The following VPS8 variants were observed in gnomAD, a reference collection of about 807,000 sequenced individuals.
VPS8 encodes VPS8 subunit of CORVET complex, also known as vacuolar protein sorting-associated protein 8 homolog.
In VPS8, 129 loss-of-function variants were observed where a neutral mutation model predicts 216.4. The observed-to-expected ratio is 0.60, with a 90% CI of 0.52 to 0.69. VPS8 has a LOEUF of 0.69. Among genes scored for constraint, VPS8 ranks in the 30% least tolerant of loss-of-function variants. The pLI, the probability that VPS8 is intolerant of heterozygous loss-of-function variation, is 0.00. For missense variants in VPS8, 1,531 were observed against 1,683.5 expected, an observed-to-expected ratio of 0.91 and a Z score of 1.59; for synonymous variants, 571 against 565.4, an observed-to-expected ratio of 1.01 and a Z score of -0.14.
chr3:184,883,311 T>G (rs1022539380), intron 21 of VPS8, among the ~76,000 whole-genome samples: 3 of 152,214 alleles, frequency 2.0e-5, no homozygotes, highest in Non-Finnish European at 4.4e-5. Context: ...AACTTAGAAA[T>G]CTGTAATTCT....
chr3:184,990,964 C>T (rs1751826424), intron 42 of VPS8, among the ~76,000 whole-genome samples: 2 of 150,410 alleles, frequency 1.3e-5, no homozygotes, highest in Non-Finnish European at 3.0e-5. Flanking sequence ...GATAAAAGAA[C>T]ATTTTAAAGG....
chr3:185,027,875 C>T (rs890910313), intron 46 of VPS8, among the ~76,000 whole-genome samples: 9 of 152,184 alleles, frequency 5.9e-5, no homozygotes, highest in African/African-American at 2.2e-4. Flanking sequence ...TGATCAGATG[C>T]AGACTTATTC....
chr3:185,011,522 A>G (rs1345643228), intron 45 of VPS8, among the ~76,000 whole-genome samples: 1 of 152,364 alleles, frequency 6.6e-6, no homozygotes, highest in East Asian at 1.9e-4. Context: ...GCAGTTTTCC[A>G]AATTGTGTAC....
At chr3:185,031,782 T>C (rs1288347731) in intron 46 of VPS8, among the ~76,000 whole-genome samples, 1 of 152,238 alleles carries the variant, frequency 6.6e-6, no homozygotes, top group African/African-American at 2.4e-5. Context: ...TATCTATTGG[T>C]CAAACTCCTG....
intron 36 of VPS8, among the ~76,000 whole-genome samples, chr3:184,956,137 TAA>T (rs1745561354): frequency 6.6e-6 from 1 of 152,218 alleles, no homozygotes; most frequent in Non-Finnish European, 1.5e-5. Flanking sequence ...GCCCTGTGTC[TAA>T]ATACAGTCTC....
intron 21 of VPS8, among the ~76,000 whole-genome samples, chr3:184,874,257 A>G (rs1260163724): frequency 6.6e-6 from 1 of 152,162 alleles, no homozygotes; most frequent in Non-Finnish European, 1.5e-5. Flanking sequence ...GATTTCATTA[A>G]AGCATTTGCC....
chr3:184,976,028 A>G (rs1468008309), intron 40 of VPS8, among the ~76,000 whole-genome samples: 1 of 152,048 alleles, frequency 6.6e-6, no homozygotes, highest in Non-Finnish European at 1.5e-5. Flanking sequence ...ATCCATATCT[A>G]TTGTTCCCAT....
chr3:185,026,558 C>T (rs1241203494), intron 46 of VPS8, among the ~76,000 whole-genome samples: 5 of 151,422 alleles, frequency 3.3e-5, no homozygotes, highest in East Asian at 1.9e-4. Flanking sequence ...ATCACAGGGA[C>T]GCACCACCAC....
chr3:184,834,365 C>T (rs1178521732), intron 4 of VPS8, among the ~76,000 whole-genome samples: 1 of 152,028 alleles, frequency 6.6e-6, no homozygotes, highest in Non-Finnish European at 1.5e-5. Context: ...TTGTTAGATC[C>T]GTCATACCTC....
chr3:184,922,101 G>A (rs1738740779), intron 29 of VPS8, among the ~76,000 whole-genome samples: 1 of 152,178 alleles, frequency 6.6e-6, no homozygotes, highest in East Asian at 1.9e-4. Flanking sequence ...TCTCTGTGGT[G>A]TGTTCATAGT....
chr3:184,978,400 T>C (rs1560957722), intron 40 of VPS8, among the ~76,000 whole-genome samples: 1 of 151,910 alleles, frequency 6.6e-6, no homozygotes, highest in Non-Finnish European at 1.5e-5. Context: ...CCTTCTCTTC[T>C]TCCCTCTTTC....
rs777667528 is a variant in VPS8 at position 185,052,068 on chromosome 3, G to C, written c.*43G>C. 6.4e-7 allele frequency: 1 copy of C among 1,568,320 alleles called. No individual in the cohort carries two copies. Among genetic ancestry groups the C allele is most frequent in the Non-Finnish European group, 8.6e-7 (1 of 1,158,372 alleles). On this transcript the variant is annotated 3_prime_UTR_variant, in exon 48 of 48. Transcript: ENST00000625842. ...GCCCAGGAGAACCAGAGATGATCCC[G>C]AGGCAGCTGGGGAGAGGCCCCGCCT... is the stretch of plus-strand genomic sequence containing the variant.
intron 40 of VPS8, among the ~76,000 whole-genome samples, chr3:184,975,095 A>C (rs1160668903): frequency 6.6e-6 from 1 of 152,020 alleles, no homozygotes; most frequent in Non-Finnish European, 1.5e-5. Flanking sequence ...TCTGTGAAAA[A>C]TGTTACTGGT....
At chr3:185,032,021 A>G (rs1758244095) in intron 46 of VPS8, among the ~76,000 whole-genome samples, 1 of 152,130 alleles carries the variant, frequency 6.6e-6, no homozygotes, top group Non-Finnish European at 1.5e-5. Context: ...AAAATTAGCC[A>G]GGCGTGATGG....
intron 36 of VPS8, among the ~76,000 whole-genome samples, chr3:184,950,501 TGGGA>T (rs1744504972): frequency 2.0e-5 from 3 of 152,008 alleles, no homozygotes; most frequent in Non-Finnish European, 4.4e-5. Flanking sequence ...AGTGAGGGGG[TGGGA>T]CTAGACTAGC....
In VPS8 at chr3:184,919,956, A is replaced by G. The variant is rs561585894; in HGVS notation, c.2383-171A>G. Among the ~76,000 whole-genome samples the G allele has an allele frequency of 4.0e-4, 61 of 152,180 alleles. 1 individual carries two copies. In the South Asian group the frequency reaches 7.3e-3, roughly 18 times the overall value. On this transcript the variant is annotated intron_variant, in intron 28 of 47. Transcript: ENST00000625842. ...GCAATATTAAATGCCATAGCTTTCT[A>G]CTTGACTCACTAAAAATAATGTCAC...
intron 1 of VPS8, chr3:184,813,639 C>T (rs887317808): frequency 6.6e-6 from 1 of 152,186 alleles, no homozygotes. Context: ...TGAGAAAATT[C>T]TTTCCAGAGC....
chr3:184,988,959 G>A (rs1751502485), intron 42 of VPS8, among the ~76,000 whole-genome samples: 2 of 152,062 alleles, frequency 1.3e-5, no homozygotes, highest in South Asian at 4.2e-4. Context: ...CTGGCATATT[G>A]GAAACCAATT....
At chr3:184,937,096 G>T (rs1413781478) in intron 35 of VPS8, among the ~76,000 whole-genome samples, 1 of 152,182 alleles carries the variant, frequency 6.6e-6, no homozygotes, top group East Asian at 1.9e-4. Flanking sequence ...CTGAAATTGT[G>T]CTGTTTAGAA....
Sources: gnomAD v4.1 joint callset for allele counts (sites outside exome capture counted in the v4.1 genomes callset) on GRCh38, gnomAD v4.1.1 for gene constraint, MANE v1.5 for transcripts, NCBI Gene and HGNC (gene_info 2026-07-23, HGNC 2026-07-21) for gene names.